The following NECTIN1 variants were observed in gnomAD, a reference collection of about 807,000 sequenced individuals.
NECTIN1 encodes nectin cell adhesion molecule 1.
Under a neutral mutation model 48.0 loss-of-function variants are expected in NECTIN1, and 23 were observed. The ratio of observed to expected loss-of-function variants is 0.48; its 90% CI spans 0.34 to 0.68. NECTIN1 has a LOEUF of 0.68. Among genes scored for constraint, NECTIN1 ranks in the 30% least tolerant of loss-of-function variants. The probability of loss-of-function intolerance (pLI) is 0.01; values close to 1 mark genes in which losing one functional copy is unlikely to be tolerated. For missense variants in NECTIN1, 591 were observed against 709.9 expected (o/e 0.83, Z 1.90); for synonymous variants, 270 against 288.9 (o/e 0.93, Z 0.66).
In NECTIN1 at chr11:119,683,128, C is replaced by T. The variant is rs1222776209; in HGVS notation, c.80-4363G>A. Among the ~76,000 whole-genome samples, 1 of 152,220 alleles carries T rather than the reference C, an allele frequency of 6.6e-6. No individual in the cohort carries two copies. Among genetic ancestry groups the T allele is most frequent in the African/African-American group, 2.4e-5 (1 of 41,456 alleles). On this transcript the variant is annotated intron_variant, in intron 1 of 5. Transcript: ENST00000264025. This position sits in a 1 kb window ranked among gnomAD's most constrained non-coding sequence, Gnocchi z 4.0. ...GCTTGGGGAGTTCCCTGCTGACTTTCTCTGATTCCCTAAGCAGTCAGGGCT... is the reference window on the plus strand; with the variant it reads ...GCTTGGGGAGTTCCCTGCTGACTTTTTCTGATTCCCTAAGCAGTCAGGGCT...
intron 4 of NECTIN1, chr11:119,676,760 T>G: frequency 5.4e-6 from 2 of 368,282 alleles, no homozygotes; most frequent in Non-Finnish European, 5.2e-6. Context: ...GACACCTTGA[T>G]AAAAATAAAT....
chr11:119,702,997 C>T (rs1865483497), intron 1 of NECTIN1, among the ~76,000 whole-genome samples: 1 of 152,230 alleles, frequency 6.6e-6, no homozygotes, highest in Non-Finnish European at 1.5e-5. Flanking sequence ...AGGCTCAGGC[C>T]TTTGCCACAC....
At position 119,719,676 on chromosome 11, in the gene NECTIN1, T is replaced by C. The variant is rs138074593; in HGVS notation, c.79+8799A>G. Among the ~76,000 whole-genome samples, 5 of 152,314 alleles carry C rather than the reference T, an allele frequency of 3.3e-5. No homozygotes were observed. In the East Asian group the frequency reaches 9.6e-4, roughly 29 times the overall value. On this transcript the variant is annotated intron_variant, in intron 1 of 5. Coordinates refer to ENST00000264025, the MANE Select transcript of NECTIN1 (RefSeq NM_002855.5). ...AATGTTTCAAACAAGCAACTGTCTA[T>C]CCACCCAGCATGGCCTACTGGTCCC... is the stretch of plus-strand genomic sequence containing the variant.
At chr11:119,669,410 CAA>C (rs398045650) in intron 5 of NECTIN1, among the ~76,000 whole-genome samples, 9 of 130,080 alleles carry the variant, frequency 6.9e-5, no homozygotes, top group Admixed American at 1.5e-4. Flanking sequence ...GACTCCGTCT[CAA>C]AAAAAAAAAA....
intron 5 of NECTIN1, among the ~76,000 whole-genome samples, chr11:119,668,328 C>T (rs1268060527): frequency 6.6e-6 from 1 of 152,158 alleles, no homozygotes; most frequent in East Asian, 1.9e-4. Flanking sequence ...CTTGAATCAC[C>T]CCACCCGCAG....
Position 119,677,354 on chromosome 11 carries a change from G to T in NECTIN1, c.734-135C>A. 9.8e-7 allele frequency: 1 copy of T among 1,016,332 alleles called. No homozygotes were observed. Among genetic ancestry groups the T allele is most frequent in the Non-Finnish European group, 1.5e-6 (1 of 650,208 alleles). The allele number at this position is 1,016,332 out of a possible 1,614,324, so 63.0% of individuals were successfully genotyped here. ...GAGAGAGGGAAGTGTGGGTGGGAGG[G>T]TGGCAATCACAGAGCCCGGGAGTGG... On this transcript the variant is annotated intron_variant, in intron 3 of 5. Coordinates refer to ENST00000264025, the MANE Select transcript of NECTIN1 (RefSeq NM_002855.5). The surrounding 1 kb of genome is among the most constrained non-coding windows in gnomAD (Gnocchi z 5.4).
At position 119,709,104 on chromosome 11, in the gene NECTIN1, CT is replaced by C. The variant is rs1865594175; in HGVS notation, c.79+19370del. On this transcript the variant is annotated intron_variant, in intron 1 of 5. Coordinates refer to ENST00000264025, the MANE Select transcript of NECTIN1 (RefSeq NM_002855.5). This position sits in a 1 kb window ranked among gnomAD's most constrained non-coding sequence, Gnocchi z 4.1. ...ATCGCACATATCCTGCATGAGATGC[CT>C]GGGACCAGAGCGACAGACGGTCACC... 6.6e-6 allele frequency among the ~76,000 whole-genome samples: 1 copy of C among 152,102 alleles called. No homozygotes were observed. Among genetic ancestry groups the C allele is most frequent in the Middle Eastern group, 3.2e-3 (1 of 316 alleles).
chr11:119,698,296 C>T (rs556928677), intron 1 of NECTIN1, among the ~76,000 whole-genome samples: 3 of 152,364 alleles, frequency 2.0e-5, no homozygotes, highest in South Asian at 2.1e-4. Flanking sequence ...TAACTACCCC[C>T]GACACTGGCA....
chr11:119,647,220 T>TGA (rs1185756821), intron 5 of NECTIN1, among the ~76,000 whole-genome samples: 1 of 119,968 alleles, frequency 8.3e-6, no homozygotes, highest in Non-Finnish European at 1.8e-5. Flanking sequence ...TGTGTGTGTG[T>TGA]GTGACTGTGA....
At chr11:119,651,576 G>C (rs1864491023) in intron 5 of NECTIN1, among the ~76,000 whole-genome samples, 1 of 152,006 alleles carries the variant, frequency 6.6e-6, no homozygotes. Flanking sequence ...CATTAGCAGG[G>C]GAGCTCCTTC....
chr11:119,725,686 A>G (rs930723996), intron 1 of NECTIN1, among the ~76,000 whole-genome samples: 2 of 152,260 alleles, frequency 1.3e-5, no homozygotes, highest in Non-Finnish European at 2.9e-5. Flanking sequence ...ACCACATGGC[A>G]GCAAGCTCTG....
At chr11:119,720,651 A>T (rs971366264) in intron 1 of NECTIN1, among the ~76,000 whole-genome samples, 4 of 152,136 alleles carry the variant, frequency 2.6e-5, no homozygotes, top group African/African-American at 9.6e-5. Flanking sequence ...TTTCATGGAC[A>T]CCTCCTTCAA....
Position 119,704,707 on chromosome 11 carries a change from T to C in NECTIN1, c.79+23768A>G, listed in dbSNP as rs1258141686. 5.9e-5 allele frequency among the ~76,000 whole-genome samples: 9 copies of C among 152,040 alleles called. No homozygotes were observed. The East Asian group carries it at 1.4e-3, about 23-fold the overall frequency. ...TCAGAATGAGTCTCCATCTCCTCCG[T>C]GGGGTATGAAGCAGGCCTTGGTGGA... On this transcript the variant is annotated intron_variant, in intron 1 of 5. Coordinates refer to ENST00000264025, the MANE Select transcript of NECTIN1 (RefSeq NM_002855.5).
chr11:119,724,899 C>T (rs1165473341), intron 1 of NECTIN1, among the ~76,000 whole-genome samples: 2 of 152,230 alleles, frequency 1.3e-5, no homozygotes, highest in Non-Finnish European at 2.9e-5. Context: ...TAGCCTGGCA[C>T]ACTGGCTAAT....
chr11:119,689,807 A>G (rs182472327), intron 1 of NECTIN1, among the ~76,000 whole-genome samples: 231 of 152,334 alleles, frequency 1.5e-3, no homozygotes, highest in African/African-American at 5.1e-3. Flanking sequence ...GCCACAGCAC[A>G]GTGGTGACCT....
intron 1 of NECTIN1, chr11:119,710,047 G>A (rs1392047528): frequency 1.3e-5 from 2 of 152,210 alleles, no homozygotes; most frequent in Admixed American, 6.5e-5. Context: ...AGAGAAAGCT[G>A]CCTGGGGGAA....
rs910624435 is a variant in NECTIN1, at chr11:119,683,837, C to T, written c.80-5072G>A. On this transcript the variant is annotated intron_variant, in intron 1 of 5. Coordinates refer to ENST00000264025, the MANE Select transcript of NECTIN1 (RefSeq NM_002855.5). This position sits in a 1 kb window ranked among gnomAD's most constrained non-coding sequence, Gnocchi z 4.0. ...GGGACCCATGCCCCTGGGGCTTGTTCTCAAGTGCCTCAGTTTCCCCACTAG... is the reference window on the plus strand; with the variant it reads ...GGGACCCATGCCCCTGGGGCTTGTTTTCAAGTGCCTCAGTTTCCCCACTAG... Among the ~76,000 whole-genome samples the T allele has an allele frequency of 6.6e-6, 1 of 152,020 alleles. No homozygotes were observed. The highest frequency in any genetic ancestry group is 1.5e-5 in the Non-Finnish European group (1 of 68,000).
intron 1 of NECTIN1, among the ~76,000 whole-genome samples, chr11:119,701,959 G>A (rs577690153): frequency 2.6e-5 from 4 of 152,268 alleles, no homozygotes; most frequent in South Asian, 4.1e-4. Flanking sequence ...TATGCCCGCC[G>A]GCTCCAGGGG....
At chr11:119,700,120 G>C (rs772451201) in intron 1 of NECTIN1, among the ~76,000 whole-genome samples, 2 of 152,296 alleles carry the variant, frequency 1.3e-5, no homozygotes, top group African/African-American at 4.8e-5. Flanking sequence ...TGGGGTGAGG[G>C]CCCGCCTGAG....
Sources: gnomAD v4.1 joint callset for allele counts (sites outside exome capture counted in the v4.1 genomes callset) on GRCh38, gnomAD v4.1.1 for gene constraint, Gnocchi (gnomAD v3.1) non-coding constraint, MANE v1.5 for transcripts, NCBI Gene and HGNC (gene_info 2026-07-23, HGNC 2026-07-21) for gene names.